LRRTM4: variants seen among roughly 807,000 people sequenced by gnomAD.
The protein encoded by LRRTM4 is leucine-rich repeat transmembrane neuronal protein 4.
Under a neutral mutation model 47.6 loss-of-function variants are expected in LRRTM4, and 25 were observed. The observed-to-expected ratio is 0.53, with a 90% confidence interval of 0.38 to 0.73. The LOEUF (loss-of-function observed/expected upper bound fraction) is 0.73. Ranked by LOEUF, LRRTM4 falls within the 30% of genes least tolerant of loss-of-function variation. The pLI is 0.00. For synonymous variants in LRRTM4, 311 were observed against 269.5 expected, an observed-to-expected ratio of 1.15 and a Z score of -1.51; for missense variants, 638 against 713.4, an observed-to-expected ratio of 0.89 and a Z score of 1.20.
At chr2:76,989,119 G>A (rs1286921114) in intron 3 of LRRTM4, among the ~76,000 whole-genome samples, 1 of 151,644 alleles carries the variant, frequency 6.6e-6, no homozygotes, top group Non-Finnish European at 1.5e-5. Flanking sequence ...TACATGTATT[G>A]TTCAGTTTTC....
rs1472387626 is a variant in LRRTM4 at position 76,932,717 on chromosome 2, T to C, written c.1552-183801A>G. ...TGTTATATATATGAATGTGTTCATA[T>C]ATTCATAGACACACATGTGTTCTCT... On this transcript the variant is annotated intron_variant, in intron 3 of 3. Transcript: ENST00000409884. Among the ~76,000 whole-genome samples the C allele has an allele frequency of 3.3e-5, 5 of 152,112 alleles. No homozygotes were observed. The South Asian group carries it at 8.3e-4, about 25-fold the overall frequency.
At chr2:77,107,474 T>C (rs1671121832) in intron 3 of LRRTM4, among the ~76,000 whole-genome samples, 1 of 152,152 alleles carries the variant, frequency 6.6e-6, no homozygotes, top group Non-Finnish European at 1.5e-5. Context: ...TTTCAAAATA[T>C]AGGAGAGCAA....
chr2:76,813,411 A>T (rs1670803491), intron 3 of LRRTM4, among the ~76,000 whole-genome samples: 1 of 152,170 alleles, frequency 6.6e-6, no homozygotes, highest in Non-Finnish European at 1.5e-5. Flanking sequence ...CTAATGTCAG[A>T]GAAATATAAA....
chr2:76,898,112 T>C (rs1383060689), intron 3 of LRRTM4, among the ~76,000 whole-genome samples: 2 of 152,154 alleles, frequency 1.3e-5, no homozygotes, highest in Non-Finnish European at 2.9e-5. Context: ...ATCTACTGAG[T>C]TATACACATC....
At chr2:77,184,816 A>T (rs1272073690) in intron 3 of LRRTM4, among the ~76,000 whole-genome samples, 1 of 152,182 alleles carries the variant, frequency 6.6e-6, no homozygotes, top group Non-Finnish European at 1.5e-5. Flanking sequence ...TTAAAACTAA[A>T]AACCAGAAAG....
chr2:76,985,411 T>C (rs1480588981), intron 3 of LRRTM4, among the ~76,000 whole-genome samples: 7 of 151,986 alleles, frequency 4.6e-5, no homozygotes, highest in Non-Finnish European at 1.0e-4. Flanking sequence ...TTTCTTTCCG[T>C]TCGTCTGCTA....
At chr2:76,784,403 T>C (rs1021995820) in intron 3 of LRRTM4, among the ~76,000 whole-genome samples, 1 of 152,070 alleles carries the variant, frequency 6.6e-6, no homozygotes, top group African/African-American at 2.4e-5. Context: ...GGACTCTAAT[T>C]ACTATGCTAC....
chr2:76,934,111 C>A (rs193249877), intron 3 of LRRTM4, among the ~76,000 whole-genome samples: 9 of 152,188 alleles, frequency 5.9e-5, no homozygotes, highest in Admixed American at 5.2e-4. Flanking sequence ...AAATAAAGAA[C>A]CTTACTCTGC....
At chr2:77,291,379 ACTT>A (rs1676818301) in intron 3 of LRRTM4, among the ~76,000 whole-genome samples, 1 of 152,098 alleles carries the variant, frequency 6.6e-6, no homozygotes, top group Admixed American at 6.6e-5. Context: ...AATTTAAACT[ACTT>A]ATTTCTCAAA....
chr2:76,961,705 T>C (rs1056646689), intron 3 of LRRTM4, among the ~76,000 whole-genome samples: 2 of 151,276 alleles, frequency 1.3e-5, no homozygotes, highest in African/African-American at 4.8e-5. Flanking sequence ...TCGTCAGCTT[T>C]TGAATTTCTA....
At chr2:77,270,372 T>C in intron 3 of LRRTM4, among the ~76,000 whole-genome samples, 1 of 152,270 alleles carries the variant, frequency 6.6e-6, no homozygotes, top group East Asian at 1.9e-4. Flanking sequence ...TATATTGGGA[T>C]CTCTCTATGA....
intron 3 of LRRTM4, among the ~76,000 whole-genome samples, chr2:77,459,168 G>A (rs1676679581): frequency 6.6e-6 from 1 of 151,792 alleles, no homozygotes; most frequent in Non-Finnish European, 1.5e-5. Flanking sequence ...ATGCCTGAAG[G>A]GACTATTATT....
At chr2:77,033,296 A>G (rs61610939) in intron 3 of LRRTM4, among the ~76,000 whole-genome samples, 10,418 of 152,070 alleles carry the variant, frequency 0.069, 813 homozygotes, top group African/African-American at 0.18. Context: ...TATATTTATG[A>G]AGACATTTAT....
chr2:76,750,217 T>C (rs1261481608), intron 3 of LRRTM4, among the ~76,000 whole-genome samples: 1 of 152,216 alleles, frequency 6.6e-6, no homozygotes, highest in Non-Finnish European at 1.5e-5. Flanking sequence ...CTTTGTAGTA[T>C]TTCCAACATT....
At chr2:77,330,856 C>G (rs942339160) in intron 3 of LRRTM4, among the ~76,000 whole-genome samples, 1 of 152,182 alleles carries the variant, frequency 6.6e-6, no homozygotes, top group East Asian at 1.9e-4. Context: ...AAATTGTTTT[C>G]ATATCCCAGC....
intron 3 of LRRTM4, among the ~76,000 whole-genome samples, chr2:77,373,090 T>A (rs13034204): frequency 0.45 from 55,409 of 122,336 alleles, 11,420 homozygotes; most frequent in Middle Eastern, 0.5. Flanking sequence ...AAAAAAAAAA[T>A]ATATATATAT....
chr2:77,472,365 A>G (rs1334558663), intron 3 of LRRTM4, among the ~76,000 whole-genome samples: 1 of 152,196 alleles, frequency 6.6e-6, no homozygotes, highest in Non-Finnish European at 1.5e-5. Flanking sequence ...AAGAAATTAC[A>G]TACTGATTGA....
At chr2:76,940,350 G>A (rs1388280849) in intron 3 of LRRTM4, among the ~76,000 whole-genome samples, 1 of 152,100 alleles carries the variant, frequency 6.6e-6, no homozygotes, top group Non-Finnish European at 1.5e-5. Flanking sequence ...CATGGAGAGA[G>A]CTAGAGGCCA....
intron 3 of LRRTM4, among the ~76,000 whole-genome samples, chr2:76,918,404 C>G (rs188843437): frequency 6.6e-5 from 10 of 152,272 alleles, no homozygotes; most frequent in Admixed American, 1.3e-4. Flanking sequence ...ATATGTACAG[C>G]TGTGTATCCA....
Sources: gnomAD v4.1 joint callset for allele counts (sites outside exome capture counted in the v4.1 genomes callset) on GRCh38, gnomAD v4.1.1 for gene constraint, MANE v1.5 for transcripts, NCBI Gene and HGNC (gene_info 2026-07-23, HGNC 2026-07-21) for gene names.